FLRT1: variants seen among roughly 807,000 people sequenced by gnomAD.
FLRT1 encodes the protein fibronectin leucine rich transmembrane protein 1.
In FLRT1, 14 loss-of-function variants were observed where a neutral mutation model predicts 30.9. That is an observed-to-expected ratio of 0.45 (90% confidence interval 0.30 to 0.71). The LOEUF (loss-of-function observed/expected upper bound fraction) is 0.71. Ranked by LOEUF, FLRT1 falls within the 30% of genes least tolerant of loss-of-function variation. The pLI, the probability that FLRT1 is intolerant of heterozygous loss-of-function variation, is 0.08. For missense variants in FLRT1, 737 were observed against 949.2 expected (o/e 0.78, Z 2.94); for synonymous variants, 368 against 430.4 (o/e 0.85, Z 1.80).
At chr11:64,068,827 G>C (rs541931418) in intron 1 of FLRT1, among the ~76,000 whole-genome samples, 2 of 152,230 alleles carry the variant, frequency 1.3e-5, no homozygotes, top group Non-Finnish European at 2.9e-5. Flanking sequence ...CTGTGTCACT[G>C]AGCAGCCCTC....
chr11:64,100,226 T>C lies in FLRT1; in HGVS notation c.-1037-2968T>C, dbSNP rs191798646. 1.8e-3 allele frequency among the ~76,000 whole-genome samples: 281 copies of C among 152,262 alleles called. 3 individuals are homozygous for C. The highest frequency in any genetic ancestry group is 6.5e-3 in the African/African-American group (269 of 41,544). ...AAGGTGCATTGTCCCCTGGCATATA[T>C]GTATGGGCAGATTCGGCCAAAACGC... On this transcript the variant is annotated intron_variant, in intron 1 of 2. Coordinates refer to ENST00000682287, the MANE Select transcript of FLRT1 (RefSeq NM_013280.5).
chr11:64,115,231 A>C (rs1944955835), intron 2 of FLRT1, among the ~76,000 whole-genome samples: 1 of 152,220 alleles, frequency 6.6e-6, no homozygotes, highest in African/African-American at 2.4e-5. Flanking sequence ...ACCACTATGA[A>C]CAGTAAAATA....
intron 1 of FLRT1, among the ~76,000 whole-genome samples, chr11:64,041,199 TAAAAAAAAAAAA>T (rs71045724): frequency 1.8e-3 from 38 of 21,606 alleles, no homozygotes; most frequent in African/African-American, 5.5e-3. Flanking sequence ...TAGCAAACTG[TAAAAAAAAAAAA>T]AAAAAAAAAA....
chr11:64,069,323 G>C (rs1046945653), intron 1 of FLRT1, among the ~76,000 whole-genome samples: 1 of 152,204 alleles, frequency 6.6e-6, no homozygotes, highest in Non-Finnish European at 1.5e-5. Flanking sequence ...GCTGTCAGCC[G>C]AAGAGCCTGG....
chr11:64,093,313 T>G (rs1287027017), intron 1 of FLRT1, among the ~76,000 whole-genome samples: 2 of 152,208 alleles, frequency 1.3e-5, no homozygotes, highest in Non-Finnish European at 2.9e-5. Context: ...GCTGCTGGTG[T>G]TGTCACTGCT....
chr11:64,117,929 G>A lies in FLRT1; in HGVS notation c.1662G>A (p.Ala554=), dbSNP rs769250709. 1.2e-5 allele frequency: 19 copies of A among 1,613,858 alleles called. No homozygotes were observed. The highest frequency in any genetic ancestry group is 8.3e-5 in the Admixed American group (5 of 60,008). ...GCCCCATGGCGAGCCTGCCCCTGGC[G>A]GGCATCATCGGCGGGGCAGTGGCTC... The part of the protein sequence containing the change: ...NAGPMASLPL[A]GIIGGAVALV... The change falls in exon 3 of 3, where the codon GCG becomes GCA. Residue 554 remains alanine (A), a synonymous_variant. Transcript: ENST00000682287.
chr11:64,086,686 G>C, intron 1 of FLRT1, among the ~76,000 whole-genome samples: 1 of 152,188 alleles, frequency 6.6e-6, no homozygotes, highest in Non-Finnish European at 1.5e-5. Flanking sequence ...TGTGTTCAGG[G>C]AAGACAGAGA....
chr11:64,102,499 G>A (rs536234026), intron 1 of FLRT1, among the ~76,000 whole-genome samples: 5 of 152,360 alleles, frequency 3.3e-5, no homozygotes, highest in South Asian at 2.1e-4. Context: ...AGGCCATGGC[G>A]GCCCAGTTGG....
chr11:64,112,428 C>A (rs1338910288), intron 2 of FLRT1, among the ~76,000 whole-genome samples: 1 of 152,158 alleles, frequency 6.6e-6, no homozygotes, highest in East Asian at 1.9e-4. Context: ...GCAGGAGGAT[C>A]TCTTGAACCT....
intron 2 of FLRT1, among the ~76,000 whole-genome samples, chr11:64,112,584 T>C (rs538691702): frequency 7.5e-4 from 114 of 152,224 alleles, no homozygotes; most frequent in African/African-American, 2.6e-3. Flanking sequence ...GTAAATACTA[T>C]AGGCAAGCAA....
At chr11:64,115,645 C>T (rs1370613966) in intron 2 of FLRT1, among the ~76,000 whole-genome samples, 2 of 152,224 alleles carry the variant, frequency 1.3e-5, no homozygotes, top group African/African-American at 4.8e-5. Flanking sequence ...CTGACAGCTT[C>T]GTTCCCGCAG....
In FLRT1 at chr11:64,116,948, G is replaced by A. The variant is rs773116616; in HGVS notation, c.681G>A (p.Leu227=). The A allele has an allele frequency of 6.2e-7, 1 of 1,611,540 alleles. No individual in the cohort carries two copies. Among genetic ancestry groups the A allele is most frequent in the South Asian group, 1.1e-5 (1 of 91,086 alleles). ...AFKGLNSLRR[L]VLDGNLLANQ... is the part of the protein sequence containing the mutation. ...AGGGCCTCAACAGCCTGCGGCGCCT[G>A]GTGCTGGACGGTAACCTGCTGGCCA... The change falls in exon 3 of 3, where the codon CTG becomes CTA. Residue 227 remains leucine, a synonymous_variant. Coordinates refer to ENST00000682287, the MANE Select transcript of FLRT1 (RefSeq NM_013280.5).
intron 1 of FLRT1, among the ~76,000 whole-genome samples, chr11:64,057,263 T>C (rs1182425061): frequency 6.6e-6 from 1 of 152,198 alleles, no homozygotes; most frequent in Non-Finnish European, 1.5e-5. Context: ...AGCCCATTGG[T>C]GGTTCCTCCC....
chr11:64,077,907 A>T (rs1055979468), intron 1 of FLRT1, among the ~76,000 whole-genome samples: 1 of 152,020 alleles, frequency 6.6e-6, no homozygotes, highest in Non-Finnish European at 1.5e-5. Flanking sequence ...AGGCCCTTAG[A>T]CCCTCTGGGG....
rs80061941 is a variant in FLRT1, at chr11:64,116,710, C to G, written c.443C>G (p.Ala148Gly). The part of the protein sequence containing the change: ...NVRTIARDSL[A>G]RIPLLEKLHL... ...CGCACCATTGCCAGGGACTCGCTGGCCCGCATCCCGCTGCTGGAGAAGCTG... is the reference window on the plus strand; with the variant it reads ...CGCACCATTGCCAGGGACTCGCTGGGCCGCATCCCGCTGCTGGAGAAGCTG... The change falls in exon 3 of 3, where the codon GCC becomes GGC. Residue 148 changes from alanine (A) to glycine (G), a missense_variant. Physicochemically the swap from Ala to Gly is moderately conservative, Grantham distance 60 (BLOSUM62 0). Coordinates refer to ENST00000682287, the MANE Select transcript of FLRT1 (RefSeq NM_013280.5). 1.9e-6 allele frequency: 3 copies of G among 1,613,822 alleles called. No homozygotes were observed. Among genetic ancestry groups the G allele is most frequent in the East Asian group, 4.5e-5 (2 of 44,874 alleles).
At chr11:64,078,071 T>A (rs1317114348) in intron 1 of FLRT1, among the ~76,000 whole-genome samples, 1 of 152,154 alleles carries the variant, frequency 6.6e-6, no homozygotes, top group Admixed American at 6.5e-5. Flanking sequence ...GGGAATGGCC[T>A]TCCCTTTCAC....
At chr11:64,068,697 G>C (rs1028837752) in intron 1 of FLRT1, among the ~76,000 whole-genome samples, 1 of 152,230 alleles carries the variant, frequency 6.6e-6, no homozygotes, top group South Asian at 2.1e-4. Flanking sequence ...TCACGTGTCT[G>C]TCTCTCCCAG....
chr11:64,077,863 G>A (rs1326751612), intron 1 of FLRT1, among the ~76,000 whole-genome samples: 3 of 152,214 alleles, frequency 2.0e-5, no homozygotes, highest in Admixed American at 2.0e-4. Flanking sequence ...AGGAGCCCAG[G>A]GCCCCCTGAT....
intron 2 of FLRT1, among the ~76,000 whole-genome samples, chr11:64,111,334 C>T (rs1944858670): frequency 6.6e-6 from 1 of 152,226 alleles, no homozygotes; most frequent in Non-Finnish European, 1.5e-5. Context: ...ACGCTGGGGG[C>T]CCCCTGGCAG....
Sources: allele counts gnomAD v4.1 joint callset (sites outside exome capture counted in the v4.1 genomes callset), GRCh38; gene constraint gnomAD v4.1.1; transcripts MANE v1.5; gene names NCBI Gene and HGNC (gene_info 2026-07-23, HGNC 2026-07-21).